The following KCNB2 variants were observed in gnomAD, a reference collection of about 807,000 sequenced individuals.
The protein encoded by KCNB2 is potassium voltage-gated channel subfamily B member 2.
A neutral mutation model predicts 61.5 loss-of-function variants in KCNB2; 15 were observed. The observed-to-expected ratio is 0.24, with a 90% CI of 0.16 to 0.38. The LOEUF (loss-of-function observed/expected upper bound fraction) is 0.38, where lower values mean the gene tolerates loss of function less well. Among genes scored for constraint, KCNB2 ranks in the 10% least tolerant of loss-of-function variants. KCNB2 has a pLI of 1.00. For missense variants in KCNB2, 828 were observed against 1,125.2 expected, an observed-to-expected ratio of 0.74 and a Z score of 3.78; for synonymous variants, 457 against 446.0, an observed-to-expected ratio of 1.02 and a Z score of -0.31.
chr8:72,701,272 A>T lies in KCNB2; in HGVS notation c.579+132959A>T, dbSNP rs537427696. On this transcript the variant is annotated intron_variant, in intron 2 of 2. Transcript: ENST00000523207. ...AAAAAAGAGAGAAAATGACCACTTG[A>T]ACACATTTCAAACCAAAACCAAACA... 7.2e-5 allele frequency among the ~76,000 whole-genome samples: 11 copies of T among 152,342 alleles called. No homozygotes were observed. The East Asian group carries it at 1.7e-3, about 24-fold the overall frequency.
chr8:72,842,533 G>A (rs758431378), intron 2 of KCNB2, among the ~76,000 whole-genome samples: 68 of 152,264 alleles, frequency 4.5e-4, no homozygotes, highest in South Asian at 1.9e-3. Flanking sequence ...TTGTACCTGT[G>A]GTAGAATTCG....
chr8:72,849,165 T>TGTTGTTGTTTTTGAGACGGAG (rs1810050022), intron 2 of KCNB2, among the ~76,000 whole-genome samples: 2 of 151,306 alleles, frequency 1.3e-5, no homozygotes, highest in African/African-American at 2.4e-5. Flanking sequence ...TTTTTTTTAT[T>TGTTGTTGTTTTTGAGACGGAG]TTACAATATC....
At chr8:72,726,736 T>G (rs1386278801) in intron 2 of KCNB2, among the ~76,000 whole-genome samples, 1 of 152,254 alleles carries the variant, frequency 6.6e-6, no homozygotes, top group East Asian at 1.9e-4. Context: ...TATTTTTTAC[T>G]TTTGTAATCA....
intron 2 of KCNB2, among the ~76,000 whole-genome samples, chr8:72,610,372 AAG>A (rs1228633524): frequency 2.0e-5 from 3 of 152,220 alleles, no homozygotes; most frequent in Non-Finnish European, 4.4e-5. Context: ...TCTAGACTTT[AAG>A]CAATGGAATT....
chr8:72,867,363 C>G (rs1805537691), intron 2 of KCNB2, among the ~76,000 whole-genome samples: 1 of 152,162 alleles, frequency 6.6e-6, no homozygotes, highest in South Asian at 2.1e-4. Flanking sequence ...AACAGTGGGC[C>G]AGAGGCCGGG....
chr8:72,845,844 A>G (rs1275764623), intron 2 of KCNB2, among the ~76,000 whole-genome samples: 4 of 152,132 alleles, frequency 2.6e-5, no homozygotes, highest in Admixed American at 6.5e-5. Flanking sequence ...GGCAGCGACA[A>G]TCTCAAGCCA....
intron 2 of KCNB2, among the ~76,000 whole-genome samples, chr8:72,575,194 G>C (rs1027004458): frequency 6.6e-6 from 1 of 152,024 alleles, no homozygotes; most frequent in African/African-American, 2.4e-5. Context: ...GGAGATGGTC[G>C]CTCATTGTCT....
intron 2 of KCNB2, among the ~76,000 whole-genome samples, chr8:72,667,100 C>T (rs1041735260): frequency 3.3e-5 from 5 of 151,992 alleles, no homozygotes; most frequent in South Asian, 2.1e-4. Context: ...TATGTAAATT[C>T]TCTATGTCTT....
chr8:72,921,760 G>A (rs1244007906), intron 2 of KCNB2, among the ~76,000 whole-genome samples: 1 of 152,162 alleles, frequency 6.6e-6, no homozygotes. Flanking sequence ...GAATGCAGGT[G>A]TTAATTACCT....
intron 2 of KCNB2, among the ~76,000 whole-genome samples, chr8:72,820,989 GT>G (rs113480851): frequency 2.0e-5 from 3 of 151,842 alleles, no homozygotes; most frequent in Non-Finnish European, 4.4e-5. Flanking sequence ...ATCTGCTAAA[GT>G]TTTTTTTACA....
chr8:72,603,240 G>C (rs1485788283), intron 2 of KCNB2, among the ~76,000 whole-genome samples: 1 of 152,106 alleles, frequency 6.6e-6, no homozygotes, highest in South Asian at 2.1e-4. Flanking sequence ...TGGCACACAA[G>C]GCCTTTCATT....
At chr8:72,928,791 A>G (rs771824583) in intron 2 of KCNB2, among the ~76,000 whole-genome samples, 1 of 151,146 alleles carries the variant, frequency 6.6e-6, no homozygotes, top group Non-Finnish European at 1.5e-5. Context: ...CTCTTTAATA[A>G]ACATTGGCAA....
At chr8:72,744,241 T>G (rs1444782786) in intron 2 of KCNB2, among the ~76,000 whole-genome samples, 4 of 152,136 alleles carry the variant, frequency 2.6e-5, no homozygotes, top group Non-Finnish European at 5.9e-5. Flanking sequence ...TGACTGCAGT[T>G]TGCTCTTTCA....
At chr8:72,604,996 CTT>C (rs1350420082) in intron 2 of KCNB2, among the ~76,000 whole-genome samples, 20 of 152,296 alleles carry the variant, frequency 1.3e-4, no homozygotes, top group African/African-American at 4.6e-4. Context: ...TATCAGCAGT[CTT>C]GCTTAGAATA....
At chr8:72,658,060 A>G (rs1393266369) in intron 2 of KCNB2, among the ~76,000 whole-genome samples, 2 of 152,152 alleles carry the variant, frequency 1.3e-5, no homozygotes, top group Admixed American at 6.6e-5. Flanking sequence ...TGTTCAAGTG[A>G]AGGGAAGAGT....
chr8:72,881,725 GGAA>G (rs1805709333), intron 2 of KCNB2: 1 of 152,182 alleles, frequency 6.6e-6, no homozygotes, highest in African/African-American at 2.4e-5. Flanking sequence ...GCTCAGAGAG[GGAA>G]GAAGAGAAAA....
At chr8:72,691,476 T>A (rs902493867) in intron 2 of KCNB2, among the ~76,000 whole-genome samples, 2 of 152,276 alleles carry the variant, frequency 1.3e-5, no homozygotes, top group Admixed American at 6.5e-5. Context: ...TTTTAGTGAA[T>A]GTAACTGGTA....
intron 2 of KCNB2, among the ~76,000 whole-genome samples, chr8:72,839,316 T>C (rs1809836294): frequency 6.6e-6 from 1 of 152,354 alleles, no homozygotes; most frequent in African/African-American, 2.4e-5. Flanking sequence ...AGGTGTGTCT[T>C]CTGTTTTTTA....
chr8:72,622,843 TAAGA>T (rs1805733466), intron 2 of KCNB2, among the ~76,000 whole-genome samples: 1 of 152,150 alleles, frequency 6.6e-6, no homozygotes, highest in Admixed American at 6.5e-5. Flanking sequence ...TAGTTACCTG[TAAGA>T]AAGTCCCGTA....
Sources: allele counts gnomAD v4.1 joint callset (sites outside exome capture counted in the v4.1 genomes callset), GRCh38; gene constraint gnomAD v4.1.1; transcripts MANE v1.5; gene names NCBI Gene and HGNC (gene_info 2026-07-23, HGNC 2026-07-21).